Variants in ARL3 observed in about 807,000 individuals in gnomAD.
ARL3 encodes the protein ARF like GTPase 3.
In ARL3, 9 loss-of-function variants were observed where a neutral mutation model predicts 26.0. That is an observed-to-expected ratio of 0.35 (90% CI 0.21 to 0.60). The LOEUF (loss-of-function observed/expected upper bound fraction) is 0.60, where lower values mean the gene tolerates loss of function less well. ARL3 is among the 20% of genes least tolerant of loss of function. The pLI, the probability that ARL3 is intolerant of heterozygous loss-of-function variation, is 0.78. For synonymous variants in ARL3, 71 were observed against 78.4 expected (o/e 0.91, Z 0.50); for missense variants, 158 against 215.7 (o/e 0.73, Z 1.67).
intron 1 of ARL3, among the ~76,000 whole-genome samples, chr10:102,707,530 C>G (rs1227808844): frequency 6.6e-6 from 1 of 152,140 alleles, no homozygotes; most frequent in Non-Finnish European, 1.5e-5. Context: ...CAAACTGAGT[C>G]TTAGAATTAT....
At chr10:102,703,507 G>T (rs1244478171) in intron 2 of ARL3, among the ~76,000 whole-genome samples, 15 of 129,620 alleles carry the variant, frequency 1.2e-4, no homozygotes. Context: ...GCAGTGGCAT[G>T]ATCTCGGCTC....
At chr10:102,690,486 A>G (rs1220386235) in intron 3 of ARL3, among the ~76,000 whole-genome samples, 3 of 151,744 alleles carry the variant, frequency 2.0e-5, no homozygotes, top group African/African-American at 4.8e-5. Flanking sequence ...GCGTTTCACC[A>G]TGTCGGCCAG....
chr10:102,698,310 C>T (rs369153615), intron 3 of ARL3, among the ~76,000 whole-genome samples: 2 of 152,002 alleles, frequency 1.3e-5, no homozygotes, highest in South Asian at 2.1e-4. Flanking sequence ...TGGGCTCAAG[C>T]GATCCTCCCA....
intron 5 of ARL3, among the ~76,000 whole-genome samples, chr10:102,678,668 C>T (rs1184420159): frequency 6.6e-6 from 1 of 152,196 alleles, no homozygotes; most frequent in Non-Finnish European, 1.5e-5. Context: ...TAGCGCTTTG[C>T]CTTTTCCTTG....
At chr10:102,709,949 G>A (rs572132691) in intron 1 of ARL3, among the ~76,000 whole-genome samples, 4 of 151,744 alleles carry the variant, frequency 2.6e-5, no homozygotes, top group Non-Finnish European at 4.4e-5. Context: ...CAGGAGAATC[G>A]CTTGAACCTG....
intron 5 of ARL3, among the ~76,000 whole-genome samples, chr10:102,680,021 G>C (rs1028968785): frequency 2.6e-5 from 4 of 151,990 alleles, no homozygotes; most frequent in Non-Finnish European, 5.9e-5. Context: ...GCATGATCTC[G>C]ACTCGCTGCA....
Position 102,714,267 on chromosome 10 carries a change from A to C in ARL3, c.3+6T>G, listed in dbSNP as rs1253848539. On this transcript the variant is annotated splice_donor_region_variant and intron_variant, in intron 1 of 5. Coordinates refer to ENST00000260746, the MANE Select transcript of ARL3 (RefSeq NM_004311.4). ...GCTCCAAGGGGGCCCAGGCCCCCACACTCACCATCCTCCCGCCGAGTCCCT... is the reference window on the plus strand; with the variant it reads ...GCTCCAAGGGGGCCCAGGCCCCCACCCTCACCATCCTCCCGCCGAGTCCCT... The C allele has an allele frequency of 7.6e-7, 1 of 1,312,590 alleles. No homozygotes were observed. The allele number at this position is 1,312,590 out of a possible 1,614,324, so 81.3% of individuals were successfully genotyped here.
chr10:102,705,598 A>G (rs2064305787), intron 1 of ARL3, 109 bp from the exon 2 acceptor site: 6 of 1,152,022 alleles, frequency 5.2e-6, no homozygotes, highest in Non-Finnish European at 6.9e-6. Flanking sequence ...TGGAGAGCTT[A>G]TGTTATTATT....
chr10:102,708,908 A>ATAT, intron 1 of ARL3, among the ~76,000 whole-genome samples: 1,580 of 95,300 alleles, frequency 0.017, 29 homozygotes, highest in East Asian at 0.031. Context: ...ATATATATAT[A>ATAT]TTTTTTTTTT....
At chr10:102,705,110 C>A (rs1237576554) in intron 2 of ARL3, among the ~76,000 whole-genome samples, 1 of 152,192 alleles carries the variant, frequency 6.6e-6, no homozygotes, top group Non-Finnish European at 1.5e-5. Flanking sequence ...ATTCCCCCTC[C>A]CCAGCTCCAG....
At chr10:102,705,197 T>G in intron 2 of ARL3, 149 bp downstream of exon 2, 1 of 906,892 alleles carries the variant, frequency 1.1e-6, no homozygotes, top group Non-Finnish European at 1.5e-6. Flanking sequence ...TCTTACATAT[T>G]TTTGAAATCT....
chr10:102,684,084 T>C (rs2064169428), intron 5 of ARL3, among the ~76,000 whole-genome samples: 1 of 152,194 alleles, frequency 6.6e-6, no homozygotes, highest in Admixed American at 6.5e-5. Context: ...ACACAAACTA[T>C]ATTGCTTTTC....
chr10:102,708,680 A>G (rs1180108723), intron 1 of ARL3, among the ~76,000 whole-genome samples: 7 of 151,720 alleles, frequency 4.6e-5, no homozygotes, highest in Non-Finnish European at 1.0e-4. Flanking sequence ...AACATGGCGA[A>G]ATCCCGTATC....
rs1239103399 is a variant in ARL3, at chr10:102,675,545, G to C, written c.*1349C>G. 6.6e-6 allele frequency: 1 copy of C among 152,218 alleles called. No individual in the cohort carries two copies. Among genetic ancestry groups the C allele is most frequent in the African/African-American group, 2.4e-5 (1 of 41,456 alleles). 9.4% of individuals were successfully genotyped at this position (152,218 alleles called of 1,614,324 possible). A position where few individuals can be genotyped will look rare whatever the true frequency, so the allele number is the denominator to read the frequency against. On this transcript the variant is annotated 3_prime_UTR_variant, in exon 6 of 6. Transcript: ENST00000260746. ...AGGCACCAGAACAGAGTTTAATTCA[G>C]GAGCCGGGCAATGCTCTGGCCTGTT...
At chr10:102,713,160 G>C (rs374642391) in intron 1 of ARL3, among the ~76,000 whole-genome samples, 5 of 150,376 alleles carry the variant, frequency 3.3e-5, no homozygotes, top group African/African-American at 9.8e-5. Flanking sequence ...TAGGAAGAGA[G>C]TTGGAGCAGT....
intron 1 of ARL3, among the ~76,000 whole-genome samples, chr10:102,713,398 G>A (rs762401537): frequency 2.0e-5 from 3 of 152,224 alleles, no homozygotes; most frequent in South Asian, 4.1e-4. Flanking sequence ...GCCTTGCCCC[G>A]GATTGAAGTT....
chr10:102,688,324 A>G (rs927950711), intron 4 of ARL3, among the ~76,000 whole-genome samples: 11 of 152,250 alleles, frequency 7.2e-5, no homozygotes, highest in African/African-American at 2.4e-4. Flanking sequence ...CATGAGTGAT[A>G]ATCCAGAAAT....
Position 102,689,898 on chromosome 10 carries a change from C to T in ARL3, c.310G>A (p.Gly104Ser), listed in dbSNP as rs1478970516. The change falls in exon 4 of 6, where the codon GGT (glycine) becomes AGT (serine). Residue 104 changes from glycine (G) to serine (S), a missense_variant. Gly to Ser is a moderately conservative substitution (Grantham distance 56, BLOSUM62 0). Transcript: ENST00000260746. The part of the protein sequence containing the change: ...SADRKRFEET[G>S]QELAELLEEE... The stretch of plus-strand genomic sequence containing the variant: ...TATAAAAAAGAATTATTTACCTGAC[C>T]CGTCTCTTCAAATCTTTTTCTGTCT... 2 of 1,589,774 alleles carry T rather than the reference C, an allele frequency of 1.3e-6. No homozygotes were observed. Among genetic ancestry groups the T allele is most frequent in the African/African-American group, 1.4e-5 (1 of 73,934 alleles).
At chr10:102,708,185 G>A (rs1349884440) in intron 1 of ARL3, among the ~76,000 whole-genome samples, 2 of 151,186 alleles carry the variant, frequency 1.3e-5, no homozygotes, top group East Asian at 1.9e-4. Flanking sequence ...TTTTTTTGCT[G>A]TTTTTATCTC....
Sources: allele counts gnomAD v4.1 joint callset (sites outside exome capture counted in the v4.1 genomes callset), GRCh38; gene constraint gnomAD v4.1.1; transcripts MANE v1.5; gene names NCBI Gene and HGNC (gene_info 2026-07-23, HGNC 2026-07-21).